The following WWC2 variants were observed in gnomAD, a reference collection of about 807,000 sequenced individuals.
WWC2 encodes the protein WW and C2 domain containing 2.
WWC2 carries 101 observed loss-of-function variants against 138.5 expected under a neutral mutation model. The observed-to-expected ratio is 0.73, with a 90% CI of 0.62 to 0.86. The LOEUF (loss-of-function observed/expected upper bound fraction) is 0.86, where lower values mean the gene tolerates loss of function less well. Ranked by LOEUF, WWC2 falls within the 40% of genes least tolerant of loss-of-function variation. WWC2 has a pLI of 0.00. For synonymous variants in WWC2, 558 were observed against 538.4 expected, an observed-to-expected ratio of 1.04 and a Z score of -0.50; for missense variants, 1,420 against 1,419.4, an observed-to-expected ratio of 1.00 and a Z score of -0.01.
At position 183,315,971 on chromosome 4, in the gene WWC2, A is replaced by G. The variant is rs1739423823; in HGVS notation, c.*242A>G. The G allele has an allele frequency of 5.0e-6, 2 of 399,478 alleles. No individual in the cohort carries two copies. Among genetic ancestry groups the G allele is most frequent in the Non-Finnish European group, 9.2e-6 (2 of 217,426 alleles). 24.7% of individuals were successfully genotyped at this position (399,478 alleles called of 1,614,324 possible). A position where few individuals can be genotyped will look rare whatever the true frequency, so the allele number is the denominator to read the frequency against. On this transcript the variant is annotated 3_prime_UTR_variant, in exon 23 of 23. Coordinates refer to ENST00000403733, the MANE Select transcript of WWC2 (RefSeq NM_024949.6). The stretch of plus-strand genomic sequence containing the variant: ...GAAAGATGGGATAACCTGGTACACA[A>G]ATGTTGCCCAGTATGTGCGCATTGC...
chr4:183,146,943 G>A (rs1348955256), intron 1 of WWC2, among the ~76,000 whole-genome samples: 3 of 152,184 alleles, frequency 2.0e-5, no homozygotes, highest in African/African-American at 7.2e-5. Flanking sequence ...TTCAAGATCA[G>A]TGGCTCTCCA....
intron 21 of WWC2, among the ~76,000 whole-genome samples, chr4:183,301,479 C>G (rs544858545): frequency 3.6e-4 from 54 of 152,090 alleles, no homozygotes; most frequent in Admixed American, 7.9e-4. Context: ...GAAAAAGACA[C>G]TGTGTGATGA....
intron 1 of WWC2, among the ~76,000 whole-genome samples, chr4:183,112,282 G>A (rs938135369): frequency 2.6e-5 from 4 of 152,168 alleles, no homozygotes; most frequent in African/African-American, 9.7e-5. Context: ...TGTGTAAGGA[G>A]CTTGTGTGTG....
intron 21 of WWC2, among the ~76,000 whole-genome samples, chr4:183,299,575 C>A (rs1738755601): frequency 6.6e-6 from 1 of 152,050 alleles, no homozygotes; most frequent in Non-Finnish European, 1.5e-5. Context: ...TTTGAAAAAA[C>A]AAACTTTCCA....
chr4:183,265,585 T>G (rs554612594), intron 12 of WWC2, 103 bp from the exon 13 acceptor site: 435 of 1,168,862 alleles, frequency 3.7e-4, no homozygotes, highest in Admixed American at 8.0e-4. Context: ...ATAGGAGTGC[T>G]GTTAATTTGG....
chr4:183,154,620 A>G (rs752975534), intron 1 of WWC2, among the ~76,000 whole-genome samples: 12 of 152,198 alleles, frequency 7.9e-5, no homozygotes, highest in Non-Finnish European at 1.6e-4. Flanking sequence ...GTATGGCAAC[A>G]TTTCACAAAT....
At chr4:183,213,297 G>A (rs1470030219) in intron 4 of WWC2, among the ~76,000 whole-genome samples, 3 of 152,212 alleles carry the variant, frequency 2.0e-5, no homozygotes, top group Non-Finnish European at 4.4e-5. Context: ...GAGTCTGTTA[G>A]ATTTTGATAA....
intron 21 of WWC2, among the ~76,000 whole-genome samples, chr4:183,298,922 A>C (rs748991901): frequency 2.0e-5 from 3 of 152,182 alleles, no homozygotes; most frequent in Admixed American, 1.3e-4. Context: ...GAAGTTTTTC[A>C]TATCAGGATA....
At chr4:183,124,981 A>C (rs1466038029) in intron 1 of WWC2, among the ~76,000 whole-genome samples, 1 of 152,192 alleles carries the variant, frequency 6.6e-6, no homozygotes, top group Non-Finnish European at 1.5e-5. Flanking sequence ...TAGCCAAAGA[A>C]ATAGTCCCAA....
chr4:183,117,301 ACCTCTG>A (rs1254571089), intron 1 of WWC2, among the ~76,000 whole-genome samples: 10 of 146,670 alleles, frequency 6.8e-5, no homozygotes, highest in African/African-American at 2.5e-4. Flanking sequence ...GCTCACTGCA[ACCTCTG>A]CCTCCTGGGT....
chr4:183,269,702 T>C (rs1348547241), intron 15 of WWC2: 1 of 353,812 alleles, frequency 2.8e-6, no homozygotes, highest in East Asian at 7.3e-5. Context: ...AAATTAAAAT[T>C]AAGCAAGACC....
At chr4:183,113,938 G>A (rs1162627459) in intron 1 of WWC2, among the ~76,000 whole-genome samples, 3 of 152,082 alleles carry the variant, frequency 2.0e-5, no homozygotes, top group Non-Finnish European at 2.9e-5. Context: ...CATGAGGCTT[G>A]AGGAAAAGAG....
intron 6 of WWC2, among the ~76,000 whole-genome samples, chr4:183,248,385 G>A (rs991423477): frequency 6.6e-6 from 1 of 152,096 alleles, no homozygotes; most frequent in African/African-American, 2.4e-5. Flanking sequence ...GAAGTGAGTG[G>A]GTTCCTATTG....
intron 1 of WWC2, among the ~76,000 whole-genome samples, chr4:183,108,400 A>G (rs1732113467): frequency 6.6e-6 from 1 of 152,062 alleles, no homozygotes; most frequent in Non-Finnish European, 1.5e-5. Context: ...ATCCCAGTAG[A>G]GGGGTATCCT....
At chr4:183,185,823 T>G (rs981969610) in intron 1 of WWC2, among the ~76,000 whole-genome samples, 12 of 152,194 alleles carry the variant, frequency 7.9e-5, no homozygotes, top group Admixed American at 7.9e-4. Context: ...ATACCTACTT[T>G]GCAGAGTTTT....
intron 1 of WWC2, among the ~76,000 whole-genome samples, chr4:183,131,419 G>A (rs578260480): frequency 2.4e-4 from 37 of 152,100 alleles, no homozygotes; most frequent in Non-Finnish European, 4.1e-4. Flanking sequence ...TGTGGATGAT[G>A]CCGCTAAGAA....
intron 1 of WWC2, among the ~76,000 whole-genome samples, chr4:183,166,079 A>T (rs1734120261): frequency 6.6e-6 from 1 of 152,224 alleles, no homozygotes; most frequent in Non-Finnish European, 1.5e-5. Flanking sequence ...TAATGAGAAC[A>T]TACAAGTTAA....
intron 6 of WWC2, among the ~76,000 whole-genome samples, chr4:183,247,578 C>T (rs1176164632): frequency 2.3e-5 from 3 of 131,692 alleles, no homozygotes; most frequent in Non-Finnish European, 4.7e-5. Context: ...GCTCTATATA[C>T]TATATACTAT....
chr4:183,284,485 G>C, intron 19 of WWC2, 95 bp downstream of exon 19: 2 of 1,367,126 alleles, frequency 1.5e-6, no homozygotes, highest in East Asian at 2.3e-5. Flanking sequence ...TGTGCACTGG[G>C]AGTCCACATG....
Sources: gnomAD v4.1 joint callset for allele counts (sites outside exome capture counted in the v4.1 genomes callset) on GRCh38, gnomAD v4.1.1 for gene constraint, MANE v1.5 for transcripts, NCBI Gene and HGNC (gene_info 2026-07-23, HGNC 2026-07-21) for gene names.